PSD3: variants seen among roughly 807,000 people sequenced by gnomAD.
PSD3 encodes the protein PH and SEC7 domain-containing protein 3.
In PSD3, 49 loss-of-function variants were observed where a neutral mutation model predicts 105.5. That is an observed-to-expected ratio of 0.46 (90% CI 0.37 to 0.59). The LOEUF (loss-of-function observed/expected upper bound fraction) is 0.59. Among genes scored for constraint, PSD3 ranks in the 20% least tolerant of loss-of-function variants. PSD3 has a pLI of 0.00. For missense variants in PSD3, 1,561 were observed against 1,263.8 expected (o/e 1.24, Z -3.57); for synonymous variants, 557 against 457.8 (o/e 1.22, Z -2.77).
In PSD3 at chr8:18,765,429, A is replaced by C; in HGVS notation, c.2172+20T>G. The C allele has an allele frequency of 6.4e-7, 1 of 1,570,154 alleles. No individual in the cohort carries two copies. Among genetic ancestry groups the C allele is most frequent in the Non-Finnish European group, 8.8e-7 (1 of 1,140,038 alleles). On this transcript the variant is annotated intron_variant, in intron 9 of 15. Coordinates refer to ENST00000327040, the MANE Select transcript of PSD3 (RefSeq NM_015310.4). ...ACAGAAATACAAGCATACACTAAAA[A>C]CCAATAGTTCCATGCTTACTTTCAG... is the stretch of plus-strand genomic sequence containing the variant.
At chr8:18,770,791 T>TGC (rs1480468196) in intron 8 of PSD3, among the ~76,000 whole-genome samples, 1 of 152,238 alleles carries the variant, frequency 6.6e-6, no homozygotes, top group African/African-American at 2.4e-5. Flanking sequence ...GTGAGATGGC[T>TGC]GCCTTCTGCC....
intron 1 of PSD3, among the ~76,000 whole-genome samples, chr8:18,997,773 C>G (rs869277717): frequency 6.6e-6 from 1 of 151,564 alleles, no homozygotes; most frequent in African/African-American, 2.4e-5. Context: ...TCCCGGTGCA[C>G]TTACCTTCCT....
intron 9 of PSD3, among the ~76,000 whole-genome samples, chr8:18,670,167 G>C (rs1799696655): frequency 6.6e-6 from 1 of 152,210 alleles, no homozygotes. Flanking sequence ...TAAGACGTGA[G>C]TGACCGGGAG....
intron 4 of PSD3, chr8:18,865,276 A>T (rs1563360554): frequency 0.03 from 61 of 2,042 alleles, 10 homozygotes; most frequent in East Asian, 0.14. Flanking sequence ...ATATATATAT[A>T]TATATATATA....
chr8:18,796,961 C>T (rs1258298862), intron 8 of PSD3, among the ~76,000 whole-genome samples: 1 of 151,856 alleles, frequency 6.6e-6, no homozygotes, highest in African/African-American at 2.4e-5. Context: ...TTCATAGGGG[C>T]CATGCTGACA....
chr8:18,811,123 T>C (rs1811644415), intron 4 of PSD3, among the ~76,000 whole-genome samples: 1 of 152,194 alleles, frequency 6.6e-6, no homozygotes, highest in African/African-American at 2.4e-5. Flanking sequence ...ACCTAATAGG[T>C]TAACAATGGT....
At chr8:18,714,579 G>C (rs1802464413) in intron 9 of PSD3, among the ~76,000 whole-genome samples, 1 of 152,090 alleles carries the variant, frequency 6.6e-6, no homozygotes, top group African/African-American at 2.4e-5. Context: ...ACCACAATGA[G>C]ATACCATTTC....
rs558435006 is a variant in PSD3 at position 18,572,382 on chromosome 8, A to G, written c.2784+146T>C. 1.1e-4 allele frequency: 110 copies of G among 972,322 alleles called. 2 individuals carry two copies. In the South Asian group the frequency reaches 1.8e-3, roughly 16 times the overall value. 60.2% of individuals were successfully genotyped at this position (972,322 alleles called of 1,614,324 possible). ...AAGTGTAAAACCCAGTGTACTGCAT[A>G]TCTGCCTCATTTATATGATACGCTC... On this transcript the variant is annotated intron_variant, in intron 14 of 15. Transcript: ENST00000327040.
At chr8:18,779,894 T>C (rs982171154) in intron 8 of PSD3, among the ~76,000 whole-genome samples, 2 of 152,244 alleles carry the variant, frequency 1.3e-5, no homozygotes, top group Non-Finnish European at 2.9e-5. Context: ...ATACTTGTTC[T>C]GTAGCTGTTG....
chr8:18,865,263 TATATATATATATATATATATA>T (rs1563360313), intron 4 of PSD3: 74 of 7,056 alleles, frequency 0.01, 7 homozygotes, highest in African/African-American at 0.019. Context: ...TATATATATA[TATATATATATATATATATATA>T]TATTTTTTTT....
chr8:18,870,860 G>A (rs1817292623), intron 3 of PSD3, among the ~76,000 whole-genome samples: 1 of 152,126 alleles, frequency 6.6e-6, no homozygotes, highest in African/African-American at 2.4e-5. Flanking sequence ...ACCACTTAGG[G>A]AGGCCAAGGT....
At chr8:18,923,759 T>C (rs910499037) in intron 2 of PSD3, among the ~76,000 whole-genome samples, 2 of 152,130 alleles carry the variant, frequency 1.3e-5, no homozygotes, top group Admixed American at 6.6e-5. Flanking sequence ...TCCCTTTCTT[T>C]AGATGACACA....
intron 15 of PSD3, among the ~76,000 whole-genome samples, chr8:18,552,396 C>T (rs1290145773): frequency 6.6e-6 from 1 of 152,162 alleles, no homozygotes; most frequent in Non-Finnish European, 1.5e-5. Flanking sequence ...CTTCCAGTTG[C>T]TGTTGTTTTT....
rs575596968 is a variant in PSD3, at chr8:18,593,194, G to C, written c.2481+7170C>G. On this transcript the variant is annotated intron_variant, in intron 12 of 15. Transcript: ENST00000327040. ...CATCAGAGTGAACACGCAACCTACA[G>C]AATGGGAGAAAATTTTTCCAATCTA... Among the ~76,000 whole-genome samples the C allele has an allele frequency of 5.8e-3, 880 of 152,240 alleles. 11 individuals are homozygous for C. The highest frequency in any genetic ancestry group is 0.02 in the African/African-American group (816 of 41,548).
At chr8:19,039,265 C>A (rs189093494) in intron 1 of PSD3, among the ~76,000 whole-genome samples, 1 of 152,242 alleles carries the variant, frequency 6.6e-6, no homozygotes, top group East Asian at 1.9e-4. Flanking sequence ...CCTTGAAAAT[C>A]TTTTTCCATA....
intron 9 of PSD3, among the ~76,000 whole-genome samples, chr8:18,695,931 G>T (rs1409263245): frequency 1.3e-5 from 2 of 152,216 alleles, no homozygotes; most frequent in Non-Finnish European, 2.9e-5. Context: ...TGTAATGCAA[G>T]CTGGTAACAG....
At chr8:18,814,924 T>A (rs1053012465) in intron 4 of PSD3, among the ~76,000 whole-genome samples, 2 of 152,200 alleles carry the variant, frequency 1.3e-5, no homozygotes, top group Non-Finnish European at 2.9e-5. Flanking sequence ...AAGCACAAAG[T>A]AGACATGCCT....
At chr8:18,582,681 C>T (rs919048453) in intron 12 of PSD3, among the ~76,000 whole-genome samples, 2 of 152,086 alleles carry the variant, frequency 1.3e-5, no homozygotes, top group African/African-American at 4.8e-5. Context: ...GAATTCAACA[C>T]CTCAAACTAA....
At chr8:18,577,873 C>CT (rs1460368672) in intron 12 of PSD3, among the ~76,000 whole-genome samples, 1 of 152,000 alleles carries the variant, frequency 6.6e-6, no homozygotes, top group East Asian at 1.9e-4. Flanking sequence ...CTGCTTCTTT[C>CT]TTTTTTCCAT....
Sources: allele counts gnomAD v4.1 joint callset (sites outside exome capture counted in the v4.1 genomes callset), GRCh38; gene constraint gnomAD v4.1.1; transcripts MANE v1.5; gene names NCBI Gene and HGNC (gene_info 2026-07-23, HGNC 2026-07-21).